WDR7: variants seen among roughly 807,000 people sequenced by gnomAD.
WDR7 encodes WD repeat-containing protein 7.
Under a neutral mutation model 169.4 loss-of-function variants are expected in WDR7, and 46 were observed. That is an observed-to-expected ratio of 0.27 (90% CI 0.21 to 0.35). WDR7 has a LOEUF of 0.35. Ranked by LOEUF, WDR7 falls within the 10% of genes least tolerant of loss-of-function variation. WDR7 has a pLI of 1.00. For synonymous variants in WDR7, 612 were observed against 666.8 expected (o/e 0.92, Z 1.27); for missense variants, 1,534 against 1,859.3 (o/e 0.83, Z 3.22).
At chr18:57,023,861 C>T (rs533898642) in intron 27 of WDR7, among the ~76,000 whole-genome samples, 174 of 152,232 alleles carry the variant, frequency 1.1e-3, no homozygotes, top group African/African-American at 3.8e-3. Flanking sequence ...ATACTGGTTT[C>T]GTTTATTTTT....
intron 26 of WDR7, among the ~76,000 whole-genome samples, chr18:56,966,812 G>T (rs1397208135): frequency 6.6e-6 from 1 of 152,148 alleles, no homozygotes; most frequent in Non-Finnish European, 1.5e-5. Context: ...GGTATGGTCA[G>T]ATGCCCAGGG....
chr18:56,937,968 G>A (rs150542660), intron 23 of WDR7, among the ~76,000 whole-genome samples: 4 of 152,244 alleles, frequency 2.6e-5, no homozygotes, highest in African/African-American at 9.6e-5. Context: ...AAACTCATAA[G>A]GAAGTGAAAA....
At chr18:56,889,030 G>A (rs553951522) in intron 21 of WDR7, among the ~76,000 whole-genome samples, 22 of 152,290 alleles carry the variant, frequency 1.4e-4, no homozygotes, top group Non-Finnish European at 2.5e-4. Context: ...GTCAGTCATT[G>A]GATTGGAAAA....
intron 16 of WDR7, among the ~76,000 whole-genome samples, chr18:56,776,331 G>T (rs1232887106): frequency 6.6e-6 from 1 of 151,974 alleles, no homozygotes; most frequent in Non-Finnish European, 1.5e-5. Context: ...AGTGAATATT[G>T]GTTTGAAAAT....
chr18:56,984,495 G>A (rs1483551960), intron 26 of WDR7, among the ~76,000 whole-genome samples: 2 of 152,116 alleles, frequency 1.3e-5, no homozygotes, highest in African/African-American at 4.8e-5. Flanking sequence ...AGCATGATCT[G>A]TTTGAGCACT....
intron 7 of WDR7, among the ~76,000 whole-genome samples, chr18:56,687,423 A>G (rs2025465281): frequency 1.3e-5 from 2 of 152,182 alleles, no homozygotes; most frequent in Non-Finnish European, 2.9e-5. Flanking sequence ...AGACTTTAAT[A>G]TTTCCATAAT....
chr18:56,890,087 G>A (rs916884759), intron 21 of WDR7, among the ~76,000 whole-genome samples: 3 of 152,056 alleles, frequency 2.0e-5, no homozygotes, highest in Non-Finnish European at 2.9e-5. Context: ...TCAAAAGAAG[G>A]CCATTAAATA....
chr18:56,831,092 T>C (rs1012938932), intron 20 of WDR7, among the ~76,000 whole-genome samples: 11 of 152,138 alleles, frequency 7.2e-5, no homozygotes, highest in Non-Finnish European at 1.6e-4. Flanking sequence ...AGAGTCCCTG[T>C]AGGAGTTCAT....
chr18:57,019,560 CCA>C (rs2048257603), intron 26 of WDR7, among the ~76,000 whole-genome samples: 2 of 152,154 alleles, frequency 1.3e-5, no homozygotes, highest in African/African-American at 4.8e-5. Flanking sequence ...ATTTGGGACA[CCA>C]CAGTCCCTTG....
intron 20 of WDR7, among the ~76,000 whole-genome samples, chr18:56,870,857 G>A (rs1219415294): frequency 6.6e-6 from 1 of 152,164 alleles, no homozygotes; most frequent in East Asian, 1.9e-4. Context: ...CAATTTGAAT[G>A]TAACTCACTT....
intron 14 of WDR7, chr18:56,753,308 C>T (rs1417146254): frequency 3.3e-5 from 5 of 152,068 alleles, no homozygotes; most frequent in Non-Finnish European, 1.5e-5. Context: ...TTCTAAACAC[C>T]ACTACACTTG....
At chr18:56,827,298 G>T (rs7236282) in intron 20 of WDR7, among the ~76,000 whole-genome samples, 14,817 of 152,114 alleles carry the variant, frequency 0.097, 1,836 homozygotes, top group African/African-American at 0.29. Context: ...AAGGTTATTA[G>T]GAGACAGATG....
At chr18:56,924,718 G>A (rs769153895) in intron 22 of WDR7, among the ~76,000 whole-genome samples, 1 of 152,194 alleles carries the variant, frequency 6.6e-6, no homozygotes, top group Non-Finnish European at 1.5e-5. Context: ...GGAGATTACT[G>A]TTGGTTTGAA....
chr18:56,715,656 G>A (rs2026176112), intron 12 of WDR7, among the ~76,000 whole-genome samples: 1 of 151,984 alleles, frequency 6.6e-6, no homozygotes, highest in Admixed American at 6.6e-5. Context: ...CAACATAGAG[G>A]CTCTATTAAA....
At chr18:57,029,968 C>T (rs1023298268), downstream of WDR7, 4 of 152,174 alleles carry the variant, frequency 2.6e-5, no homozygotes, top group Non-Finnish European at 4.4e-5. Flanking sequence ...CAGAGGTAAG[C>T]TCTCCCTCCA....
chr18:57,032,095 AT>A (rs1164521062), downstream of WDR7: 3 of 152,220 alleles, frequency 2.0e-5, no homozygotes, highest in Non-Finnish European at 2.9e-5. Context: ...TCTCACCAAA[AT>A]TTGTAGACAT....
chr18:57,032,827 A>T (rs1034491846), downstream of WDR7: 27 of 111,868 alleles, frequency 2.4e-4, no homozygotes, highest in African/African-American at 1.1e-3. Context: ...ATATATATAT[A>T]TATATATATA....
At chr18:56,796,219 A>C (rs1206377005) in intron 19 of WDR7, among the ~76,000 whole-genome samples, 1 of 152,148 alleles carries the variant, frequency 6.6e-6, no homozygotes, top group Admixed American at 6.5e-5. Context: ...ACTGTAAGGG[A>C]TGCCTCATCT....
intron 20 of WDR7, among the ~76,000 whole-genome samples, chr18:56,868,476 C>T (rs530470447): frequency 3.9e-4 from 60 of 152,196 alleles, no homozygotes; most frequent in African/African-American, 1.4e-3. Context: ...TTATTTCTTA[C>T]TATGCTGAAA....
Sources: gnomAD v4.1 joint callset for allele counts (sites outside exome capture counted in the v4.1 genomes callset) on GRCh38, gnomAD v4.1.1 for gene constraint, MANE v1.5 for transcripts, NCBI Gene and HGNC (gene_info 2026-07-23, HGNC 2026-07-21) for gene names.